The following RPL28 variants were observed in gnomAD, a reference collection of about 807,000 sequenced individuals.
RPL28 encodes the protein large ribosomal subunit protein eL28.
RPL28 carries 4 observed loss-of-function variants against 12.5 expected under a neutral mutation model. The ratio of observed to expected loss-of-function variants is 0.32; its 90% CI spans 0.16 to 0.73. RPL28 has a LOEUF of 0.73. Among genes scored for constraint, RPL28 ranks in the 30% least tolerant of loss-of-function variants. The probability of loss-of-function intolerance (pLI) is 0.66; values close to 1 mark genes in which losing one functional copy is unlikely to be tolerated. For missense variants in RPL28, 214 were observed against 197.7 expected (o/e 1.08, Z -0.49); for synonymous variants, 91 against 72.5 (o/e 1.26, Z -1.30).
downstream of RPL28, among the ~76,000 whole-genome samples, chr19:55,396,286 A>G (rs114460789): frequency 8.4e-3 from 1,282 of 151,872 alleles, 20 homozygotes; most frequent in African/African-American, 0.029. Flanking sequence ...AAAAAACTTT[A>G]AAATTAAAAA....
chr19:55,400,329 T>C (rs1195530247), intron 4 of RPL28: 1 of 152,204 alleles, frequency 6.6e-6, no homozygotes, highest in East Asian at 1.9e-4. Flanking sequence ...TTTTTAATTT[T>C]TTTAAAATTA....
chr19:55,388,316 C>T lies in RPL28; in HGVS notation c.398C>T (p.Pro133Leu), dbSNP rs11540468. 3 of 1,574,618 alleles carry T rather than the reference C, an allele frequency of 1.9e-6. No homozygotes were observed. The highest frequency in any genetic ancestry group is 1.9e-5 in the Admixed American group (1 of 53,592). Residue 133 changes from proline to leucine, a missense_variant, in exon 5 of 5, where the codon CCC (proline) becomes CTC (leucine). Physicochemically the swap from Pro to Leu is moderately conservative, Grantham distance 98 (BLOSUM62 -3). Coordinates refer to ENST00000344063, the MANE Select transcript of RPL28 (RefSeq NM_000991.5). ...PVMVKRKRTRPTKSS is the reference protein window; with the variant it reads ...PVMVKRKRTRLTKSS Reference sequence around the variant, plus strand: ...ATGGTGAAGAGGAAGCGGACCCGCCCCACCAAGAGCTCCTGAGCCCCCTGC... The same window carrying T: ...ATGGTGAAGAGGAAGCGGACCCGCCTCACCAAGAGCTCCTGAGCCCCCTGC...
At chr19:55,400,618 A>C (rs369442269) in intron 4 of RPL28, 2 of 152,400 alleles carry the variant, frequency 1.3e-5, no homozygotes, top group African/African-American at 4.8e-5. Flanking sequence ...ACGAGGACTG[A>C]AATCAGCCAA....
chr19:55,395,855 C>T (rs73619611), downstream of RPL28, among the ~76,000 whole-genome samples: 4,761 of 152,180 alleles, frequency 0.031, 268 homozygotes, highest in African/African-American at 0.11. Context: ...ACCAGGTTCT[C>T]GTGTATTTTT....
In RPL28 at chr19:55,388,341, C is replaced by A. The variant is rs115903877; in HGVS notation, c.*9C>A. The A allele has an allele frequency of 1.4e-3, 2,128 of 1,514,344 alleles. 36 individuals are homozygous for A. The African/African-American group carries it at 0.027, about 19-fold the overall frequency. 93.8% of individuals were successfully genotyped at this position (1,514,344 alleles called of 1,614,324 possible). On this transcript the variant is annotated 3_prime_UTR_variant, in exon 5 of 5. Transcript: ENST00000344063. Reference sequence around the variant, plus strand: ...CCACCAAGAGCTCCTGAGCCCCCTGCCCCCAGAGCAATAAAGTCAGCTGGC... The same window carrying A: ...CCACCAAGAGCTCCTGAGCCCCCTGACCCCAGAGCAATAAAGTCAGCTGGC...
chr19:55,402,912 T>C (rs974213253), intron 4 of RPL28: 2 of 1,522,458 alleles, frequency 1.3e-6, no homozygotes, highest in African/African-American at 2.8e-5. Flanking sequence ...AGGGACTCAT[T>C]AGAAATTTGG....
At position 55,387,193 on chromosome 19, in the gene RPL28, G is replaced by A. The variant is rs1055787084; in HGVS notation, c.205+500G>A. 11 of 1,386,892 alleles carry A rather than the reference G, an allele frequency of 7.9e-6. No homozygotes were observed. The Admixed American group carries it at 2.2e-4, about 27-fold the overall frequency. 85.9% of individuals were successfully genotyped at this position (1,386,892 alleles called of 1,614,324 possible). A position where few individuals can be genotyped will look rare whatever the true frequency, so the allele number is the denominator to read the frequency against. On this transcript the variant is annotated intron_variant, in intron 3 of 4. Transcript: ENST00000344063. ...GTGCTGTCAGGTGCAGGCCTTTTTG[G>A]GGATTCCCTGAATGTTCGTGTGAGT...
At chr19:55,401,412 C>G (rs765970088) in intron 4 of RPL28, 1 of 1,540,818 alleles carries the variant, frequency 6.5e-7, no homozygotes, top group Non-Finnish European at 8.8e-7. Flanking sequence ...GTTGGGGTCA[C>G]GGTGGAAGGA....
chr19:55,401,707 G>A (rs1369706768), intron 4 of RPL28: 5 of 1,613,396 alleles, frequency 3.1e-6, no homozygotes, highest in East Asian at 2.2e-5. Flanking sequence ...CAGGCGGCCC[G>A]CCTCCTCGTT....
chr19:55,394,886 CT>C (rs2090012125), downstream of RPL28, among the ~76,000 whole-genome samples: 1 of 151,874 alleles, frequency 6.6e-6, no homozygotes, highest in Non-Finnish European at 1.5e-5. Flanking sequence ...CATGAAAAAG[CT>C]TATGTTTTGG....
At chr19:55,403,002 A>T in exon 5 of RPL28, 1 of 1,533,666 alleles carries the variant, frequency 6.5e-7, no homozygotes, top group South Asian at 1.2e-5. Context: ...AGCCTAGACC[A>T]GGACGCCTCC....
intron 4 of RPL28, among the ~76,000 whole-genome samples, chr19:55,397,435 AGTG>A (rs2090031297): frequency 6.6e-6 from 1 of 152,092 alleles, no homozygotes. Context: ...GCTGGAGTGC[AGTG>A]GCGCGATCTC....
In RPL28 at chr19:55,391,312, T is replaced by C. The variant is rs1017003726; in HGVS notation, c.*2980T>C. The C allele has an allele frequency of 5.5e-6, 4 of 729,124 alleles. No homozygotes were observed. The highest frequency in any genetic ancestry group is 6.2e-5 in the South Asian group (1 of 16,148). The allele number at this position is 729,124 out of a possible 1,614,324, so 45.2% of individuals were successfully genotyped here. A position where few individuals can be genotyped will look rare whatever the true frequency, so the allele number is the denominator to read the frequency against. On this transcript the variant is annotated 3_prime_UTR_variant, in exon 5 of 5. Transcript: ENST00000344063. Reference sequence around the variant, plus strand: ...GTGGGGACTTGGGCAGCTCGTTTAGTAGCACCGTGCCTCAGTTTCCCATAT... The same window carrying C: ...GTGGGGACTTGGGCAGCTCGTTTAGCAGCACCGTGCCTCAGTTTCCCATAT...
chr19:55,400,399 CT>C (rs2090048690), intron 4 of RPL28: 1 of 152,182 alleles, frequency 6.6e-6, no homozygotes, highest in Non-Finnish European at 1.5e-5. Flanking sequence ...TCCCCACCCC[CT>C]GGTGTGCACA....
At position 55,389,093 on chromosome 19, in the gene RPL28, C is replaced by T; in HGVS notation, c.*761C>T. 5.1e-6 allele frequency: 5 copies of T among 985,572 alleles called. No homozygotes were observed. The South Asian group carries it at 1.4e-4, about 28-fold the overall frequency. 61.1% of individuals were successfully genotyped at this position (985,572 alleles called of 1,614,324 possible). ...CAAGCTTTCCTGATTGCCCAGCCCT[C>T]TTGTTTCCTTTGGCCTGTTTGCTCC... On this transcript the variant is annotated 3_prime_UTR_variant, in exon 5 of 5. Coordinates refer to ENST00000344063, the MANE Select transcript of RPL28 (RefSeq NM_000991.5).
At chr19:55,387,861 C>G in intron 3 of RPL28, 69 bp from the exon 4 acceptor site, 1 of 1,504,252 alleles carries the variant, frequency 6.6e-7, no homozygotes, top group Non-Finnish European at 8.9e-7. Flanking sequence ...AGACTGTCCA[C>G]ACCTGCGAGG....
downstream of RPL28, among the ~76,000 whole-genome samples, chr19:55,396,279 A>C (rs1003341028): frequency 6.6e-6 from 1 of 151,826 alleles, no homozygotes; most frequent in Non-Finnish European, 1.5e-5. Context: ...AAAAAAAAAA[A>C]AACTTTAAAA....
intron 3 of RPL28, chr19:55,387,159 C>G: frequency 1.5e-6 from 2 of 1,292,954 alleles, no homozygotes; most frequent in Non-Finnish European, 2.2e-6. Flanking sequence ...GGACCCCACT[C>G]CATACATTGT....
Position 55,389,273 on chromosome 19 carries a change from G to A in RPL28, c.*941G>A, listed in dbSNP as rs2089966279. 1 of 927,222 alleles carries A rather than the reference G, an allele frequency of 1.1e-6. No homozygotes were observed. Among genetic ancestry groups the A allele is most frequent in the Admixed American group, 6.2e-5 (1 of 16,196 alleles). The allele number at this position is 927,222 out of a possible 1,614,324, so 57.4% of individuals were successfully genotyped here. A position where few individuals can be genotyped will look rare whatever the true frequency, so the allele number is the denominator to read the frequency against. On this transcript the variant is annotated 3_prime_UTR_variant, in exon 5 of 5. Coordinates refer to ENST00000344063, the MANE Select transcript of RPL28 (RefSeq NM_000991.5). ...TTGAGTAGAGGCTGAGGTGAGCGGA[G>A]CACTTGAGCCAAGAGTATGAGGCTG... is the stretch of plus-strand genomic sequence containing the variant.
Sources: allele counts gnomAD v4.1 joint callset (sites outside exome capture counted in the v4.1 genomes callset), GRCh38; gene constraint gnomAD v4.1.1; transcripts MANE v1.5; gene names NCBI Gene and HGNC (gene_info 2026-07-23, HGNC 2026-07-21).